Variants in OSBP2 observed in about 807,000 individuals in gnomAD.
The protein encoded by OSBP2 is oxysterol-binding protein 2.
OSBP2 carries 66 observed loss-of-function variants against 96.0 expected under a neutral mutation model. That is an observed-to-expected ratio of 0.69 (90% confidence interval 0.56 to 0.84). The LOEUF is 0.84. Ranked by LOEUF, OSBP2 falls within the 40% of genes least tolerant of loss-of-function variation. The probability of loss-of-function intolerance (pLI) is 0.00; values close to 1 mark genes in which losing one functional copy is unlikely to be tolerated. For missense variants in OSBP2, 1,038 were observed against 1,222.7 expected, an observed-to-expected ratio of 0.85 and a Z score of 2.25; for synonymous variants, 525 against 520.9, an observed-to-expected ratio of 1.01 and a Z score of -0.11.
chr22:30,713,213 G>A (rs920900989), intron 1 of OSBP2, among the ~76,000 whole-genome samples: 3 of 151,744 alleles, frequency 2.0e-5, no homozygotes, highest in African/African-American at 7.3e-5. Context: ...CTAGTAGCTG[G>A]GACTACAGGC....
chr22:30,791,026 C>T (rs2090666529), intron 2 of OSBP2, among the ~76,000 whole-genome samples: 1 of 152,068 alleles, frequency 6.6e-6, no homozygotes, highest in African/African-American at 2.4e-5. Context: ...TTTTGTCACC[C>T]AGGCTGGAGT....
rs2040003833 is a variant in OSBP2, at chr22:30,893,634, C to T, written c.2095-4C>T. The stretch of plus-strand genomic sequence containing the variant: ...GGCCGCTGACCACTGCCCTCCTTCG[C>T]CAGTCAGGGGACATCGAGATTGTGA... On this transcript the variant is annotated splice_polypyrimidine_tract_variant and splice_region_variant and intron_variant, in intron 10 of 13. Transcript: ENST00000332585. 5.0e-6 allele frequency: 8 copies of T among 1,614,002 alleles called. No individual in the cohort carries two copies. Among genetic ancestry groups the T allele is most frequent in the Non-Finnish European group, 6.8e-6 (8 of 1,179,954 alleles).
chr22:30,732,727 C>T (rs759453812), intron 1 of OSBP2, among the ~76,000 whole-genome samples: 92 of 152,350 alleles, frequency 6.0e-4, no homozygotes, highest in Non-Finnish European at 1.1e-3. Context: ...GGGGACATGG[C>T]ACCAGATATC....
chr22:30,894,317 G>A, intron 12 of OSBP2: 1 of 283,308 alleles, frequency 3.5e-6, no homozygotes, highest in Non-Finnish European at 6.6e-6. Context: ...GCATAGGAAA[G>A]TCCAAAGAGA....
intron 3 of OSBP2, among the ~76,000 whole-genome samples, chr22:30,877,396 C>T (rs1161431079): frequency 6.6e-6 from 1 of 152,166 alleles, no homozygotes; most frequent in Non-Finnish European, 1.5e-5. Context: ...CATAACGTGC[C>T]TGCCCACAGG....
chr22:30,766,473 G>A (rs903195595), intron 2 of OSBP2, among the ~76,000 whole-genome samples: 6 of 152,132 alleles, frequency 3.9e-5, no homozygotes, highest in South Asian at 2.1e-4. Flanking sequence ...TTTAGTTGTC[G>A]TCTTGCCTCT....
In OSBP2 at chr22:30,766,729, G is replaced by A. The variant is rs184038256; in HGVS notation, c.853+25360G>A. Among the ~76,000 whole-genome samples, 327 of 152,294 alleles carry A rather than the reference G, an allele frequency of 2.1e-3. 1 individual carries two copies. Among genetic ancestry groups the A allele is most frequent in the Non-Finnish European group, 1.1e-3 (77 of 68,026 alleles). On this transcript the variant is annotated intron_variant, in intron 2 of 13. Transcript: ENST00000332585. ...GTCCATGTTTCCCCTCCATGACGCC[G>A]GGACAGGAAGCTAGACTCAGTCTCT...
At chr22:30,697,793 GT>G (rs2089075816) in intron 1 of OSBP2, among the ~76,000 whole-genome samples, 1 of 152,156 alleles carries the variant, frequency 6.6e-6, no homozygotes, top group Non-Finnish European at 1.5e-5. Context: ...CCTTACCCAG[GT>G]ATAATGAACG....
intron 1 of OSBP2, among the ~76,000 whole-genome samples, chr22:30,714,152 A>G (rs1163654510): frequency 2.6e-5 from 4 of 152,152 alleles, no homozygotes; most frequent in Non-Finnish European, 5.9e-5. Flanking sequence ...GTGAGTGAGA[A>G]CATGTGGTAT....
At chr22:30,805,403 A>G (rs973033204) in intron 2 of OSBP2, among the ~76,000 whole-genome samples, 3 of 152,230 alleles carry the variant, frequency 2.0e-5, no homozygotes, top group Non-Finnish European at 4.4e-5. Flanking sequence ...TGTGATGTTA[A>G]TGAGTGAAAA....
At chr22:30,703,354 A>G (rs1350403713) in intron 1 of OSBP2, among the ~76,000 whole-genome samples, 1 of 151,992 alleles carries the variant, frequency 6.6e-6, no homozygotes, top group Non-Finnish European at 1.5e-5. Context: ...TTGTATTTTT[A>G]GTAGAGATGG....
intron 1 of OSBP2, among the ~76,000 whole-genome samples, chr22:30,705,001 A>G (rs958244026): frequency 6.6e-6 from 1 of 152,208 alleles, no homozygotes; most frequent in Non-Finnish European, 1.5e-5. Context: ...GGCTGGTTCA[A>G]GGAGAGTGAG....
At chr22:30,730,756 CTCTCTCTCT>C (rs1277401058) in intron 1 of OSBP2, among the ~76,000 whole-genome samples, 1 of 44,898 alleles carries the variant, frequency 2.2e-5, no homozygotes, top group Non-Finnish European at 4.3e-5. Flanking sequence ...CTCTCTCTCT[CTCTCTCTCT>C]CTCTCTCTCT....
Position 30,829,810 on chromosome 22 carries a change from A to G in OSBP2, c.854-40619A>G, listed in dbSNP as rs573833158. On this transcript the variant is annotated intron_variant, in intron 2 of 13. Transcript: ENST00000332585. ...ATATGCAACAGCCCTGTTAATAAAA[A>G]CAATTATTAGTAATAATATTTGACT... is the stretch of plus-strand genomic sequence containing the variant. 2.6e-5 allele frequency among the ~76,000 whole-genome samples: 4 copies of G among 152,320 alleles called. No homozygotes were observed. In the South Asian group the frequency reaches 8.3e-4, roughly 32 times the overall value.
rs749718645 is a variant in OSBP2 at position 30,695,502 on chromosome 22, G to T, written c.593G>T (p.Gly198Val). Residue 198 changes from glycine to valine, a missense_variant, in exon 1 of 14, where the codon GGC (glycine) becomes GTC (valine). Physicochemically the swap from Gly to Val is moderately radical, Grantham distance 109. Coordinates refer to ENST00000332585, the MANE Select transcript of OSBP2 (RefSeq NM_030758.4). ...CTCAAGTGGACCAACTATCTGAAGGGCTACCAGCGCCGCTGGTTCGTGCTG... is the reference window on the plus strand; with the variant it reads ...CTCAAGTGGACCAACTATCTGAAGGTCTACCAGCGCCGCTGGTTCGTGCTG... ...WLLKWTNYLK[G>V]YQRRWFVLGN... The T allele has an allele frequency of 6.2e-7, 1 of 1,612,730 alleles. No homozygotes were observed.
intron 2 of OSBP2, among the ~76,000 whole-genome samples, chr22:30,833,886 A>T (rs1476423782): frequency 6.6e-6 from 1 of 152,084 alleles, no homozygotes; most frequent in African/African-American, 2.4e-5. Flanking sequence ...TTCTCTTATC[A>T]GTGTTTTTTT....
chr22:30,836,458 C>T (rs913797905), intron 2 of OSBP2, among the ~76,000 whole-genome samples: 1 of 152,176 alleles, frequency 6.6e-6, no homozygotes. Flanking sequence ...GTTGTTGGTT[C>T]ACATTTGCTC....
Position 30,814,667 on chromosome 22 carries a change from G to C in OSBP2, c.854-55762G>C, listed in dbSNP as rs375700383. On this transcript the variant is annotated intron_variant, in intron 2 of 13. Transcript: ENST00000332585. Reference sequence around the variant, plus strand: ...TGGTCTCAAACTCCTGACCTCAGGTGATCTGCCCGCCTTGGCCTCCCAAAG... The same window carrying C: ...TGGTCTCAAACTCCTGACCTCAGGTCATCTGCCCGCCTTGGCCTCCCAAAG... Among the ~76,000 whole-genome samples the C allele has an allele frequency of 2.4e-4, 36 of 152,182 alleles. No individual in the cohort carries two copies. The East Asian group carries it at 7.0e-3, about 30-fold the overall frequency.
intron 3 of OSBP2, among the ~76,000 whole-genome samples, chr22:30,877,317 T>C (rs2039604728): frequency 6.6e-6 from 1 of 152,154 alleles, no homozygotes; most frequent in Admixed American, 6.5e-5. Context: ...AACTGTGAAT[T>C]CTCCTGCCAT....
Sources: gnomAD v4.1 joint callset for allele counts (sites outside exome capture counted in the v4.1 genomes callset) on GRCh38, gnomAD v4.1.1 for gene constraint, MANE v1.5 for transcripts, NCBI Gene and HGNC (gene_info 2026-07-23, HGNC 2026-07-21) for gene names.